Variants in AMMECR1L observed in about 807,000 individuals in gnomAD.
AMMECR1L encodes the protein AMMECR1-like protein.
In AMMECR1L, 4 loss-of-function variants were observed where a neutral mutation model predicts 36.8. That is an observed-to-expected ratio of 0.11 (90% CI 0.05 to 0.25). The LOEUF (loss-of-function observed/expected upper bound fraction) is 0.25. Ranked by LOEUF, AMMECR1L falls within the 10% of genes least tolerant of loss-of-function variation. AMMECR1L has a pLI of 1.00. For missense variants in AMMECR1L, 232 were observed against 392.1 expected, an observed-to-expected ratio of 0.59 and a Z score of 3.45; for synonymous variants, 147 against 148.0, an observed-to-expected ratio of 0.99 and a Z score of 0.05.
At chr2:127,867,878 A>G (rs1690766359) in intron 6 of AMMECR1L, among the ~76,000 whole-genome samples, 1 of 152,122 alleles carries the variant, frequency 6.6e-6, no homozygotes, top group Non-Finnish European at 1.5e-5. Flanking sequence ...ATTCTTGCAC[A>G]TTCTTTTTTT....
At chr2:127,870,979 A>G (rs370763660) in intron 4 of AMMECR1L, 51 bp from the exon 5 acceptor site, 286 of 1,396,034 alleles carry the variant, frequency 2.0e-4, no homozygotes, top group Non-Finnish European at 2.6e-4. Flanking sequence ...TCAGGAGCCA[A>G]TATCAGGTGC....
Position 127,864,982 on chromosome 2 carries a change from T to C in AMMECR1L, c.*112A>G. 1 of 730,824 alleles carries C rather than the reference T, an allele frequency of 1.4e-6. No individual in the cohort carries two copies. Among genetic ancestry groups the C allele is most frequent in the South Asian group, 1.9e-5 (1 of 51,494 alleles). 45.3% of individuals were successfully genotyped at this position (730,824 alleles called of 1,614,324 possible). A position where few individuals can be genotyped will look rare whatever the true frequency, so the allele number is the denominator to read the frequency against. ...GACTTGGCAACGGAAGCTAGCATCA[T>C]AAAATGGTGCAGTAATAGAAGTAAC... is the stretch of plus-strand genomic sequence containing the variant. On this transcript the variant is annotated 3_prime_UTR_variant, in exon 8 of 8. Coordinates refer to ENST00000272647, the MANE Select transcript of AMMECR1L (RefSeq NM_001199140.2).
Position 127,865,021 on chromosome 2 carries a change from G to T in AMMECR1L, c.*73C>A. The T allele has an allele frequency of 1.0e-6, 1 of 985,544 alleles. No individual in the cohort carries two copies. The highest frequency in any genetic ancestry group is 1.6e-6 in the Non-Finnish European group (1 of 634,724). 61.0% of individuals were successfully genotyped at this position (985,544 alleles called of 1,614,324 possible). A position where few individuals can be genotyped will look rare whatever the true frequency, so the allele number is the denominator to read the frequency against. On this transcript the variant is annotated 3_prime_UTR_variant, in exon 8 of 8. Transcript: ENST00000272647. The surrounding 1 kb of genome is among the most constrained non-coding windows in gnomAD (Gnocchi z 5.4). The stretch of plus-strand genomic sequence containing the variant: ...AATAGAAGTAACTGGACCAGGAAGA[G>T]GAGGCATCTGCTCCAATGATGTCAT...
rs1026012749 is a variant in AMMECR1L at position 127,863,799 on chromosome 2, C to T, written c.*1295G>A. On this transcript the variant is annotated 3_prime_UTR_variant, in exon 8 of 8. Coordinates refer to ENST00000272647, the MANE Select transcript of AMMECR1L (RefSeq NM_001199140.2). ...TCCCCTAGTTCTATGAACTTTGCCA[C>T]CAAATGAGTGAAGAATAGGCAAGGA... 2.6e-5 allele frequency: 4 copies of T among 152,508 alleles called. No homozygotes were observed. The highest frequency in any genetic ancestry group is 5.9e-5 in the Non-Finnish European group (4 of 68,028). The allele number at this position is 152,508 out of a possible 1,614,324, so 9.4% of individuals were successfully genotyped here.
At position 127,874,593 on chromosome 2, in the gene AMMECR1L, C is replaced by T. The variant is rs1358414187; in HGVS notation, c.-38-321G>A. Among the ~76,000 whole-genome samples the T allele has an allele frequency of 6.6e-6, 1 of 152,200 alleles. No homozygotes were observed. On this transcript the variant is annotated intron_variant, in intron 2 of 7. Coordinates refer to ENST00000272647, the MANE Select transcript of AMMECR1L (RefSeq NM_001199140.2). The surrounding 1 kb of genome is among the most constrained non-coding windows in gnomAD (Gnocchi z 5.2). ...CTGGCTGAGGACATTTCCAGACTGC[C>T]TGGAGGGCTGCGCACGACCTGTCAG...
rs1435651410 is a variant in AMMECR1L at position 127,871,661 on chromosome 2, C to T, written c.408-302G>A. On this transcript the variant is annotated intron_variant, in intron 3 of 7. Coordinates refer to ENST00000272647, the MANE Select transcript of AMMECR1L (RefSeq NM_001199140.2). The surrounding 1 kb of genome is among the most constrained non-coding windows in gnomAD (Gnocchi z 4.3). ...TACTTTCCTCTTTCTCTGCCCAAGACTCAACTTTTCCTTCGAATTCTCCAG... is the reference window on the plus strand; with the variant it reads ...TACTTTCCTCTTTCTCTGCCCAAGATTCAACTTTTCCTTCGAATTCTCCAG... 6.6e-6 allele frequency among the ~76,000 whole-genome samples: 1 copy of T among 152,180 alleles called. No individual in the cohort carries two copies. The highest frequency in any genetic ancestry group is 1.5e-5 in the Non-Finnish European group (1 of 68,050).
chr2:127,865,263 C>T lies in AMMECR1L; in HGVS notation c.822-58G>A. On this transcript the variant is annotated intron_variant, in intron 7 of 7. Transcript: ENST00000272647. The surrounding 1 kb of genome is among the most constrained non-coding windows in gnomAD (Gnocchi z 5.4). ...CCCCAAACGCTTCATTTTGTAAAGTCACTCAGCAGAGAAAAACCAAAAGCT... is the reference window on the plus strand; with the variant it reads ...CCCCAAACGCTTCATTTTGTAAAGTTACTCAGCAGAGAAAAACCAAAAGCT... 7.9e-7 allele frequency: 1 copy of T among 1,262,350 alleles called. No homozygotes were observed. Among genetic ancestry groups the T allele is most frequent in the South Asian group, 1.4e-5 (1 of 70,250 alleles). 78.2% of individuals were successfully genotyped at this position (1,262,350 alleles called of 1,614,324 possible).
At position 127,863,986 on chromosome 2, in the gene AMMECR1L, T is replaced by C. The variant is rs1402012445; in HGVS notation, c.*1108A>G. The C allele has an allele frequency of 6.6e-6, 1 of 152,378 alleles. No homozygotes were observed. Among genetic ancestry groups the C allele is most frequent in the Non-Finnish European group, 1.5e-5 (1 of 68,048 alleles). 9.4% of individuals were successfully genotyped at this position (152,378 alleles called of 1,614,324 possible). On this transcript the variant is annotated 3_prime_UTR_variant, in exon 8 of 8. Coordinates refer to ENST00000272647, the MANE Select transcript of AMMECR1L (RefSeq NM_001199140.2). The stretch of plus-strand genomic sequence containing the variant: ...ATGTCAGGCAAGATAAAGGTCCACC[T>C]TGTGTAATTACACAACTGTTTCCTA...
intron 2 of AMMECR1L, among the ~76,000 whole-genome samples, chr2:127,876,047 G>T (rs529519148): frequency 1.3e-5 from 2 of 150,164 alleles, no homozygotes; most frequent in South Asian, 4.2e-4. Flanking sequence ...TCCGCTCCCC[G>T]CCCCGCCCCC....
intron 3 of AMMECR1L, among the ~76,000 whole-genome samples, chr2:127,872,752 A>C (rs72965751): frequency 1.2e-3 from 182 of 152,234 alleles, no homozygotes; most frequent in African/African-American, 4.0e-3. Flanking sequence ...AACCTTCCCT[A>C]AACACCCACA....
intron 2 of AMMECR1L, among the ~76,000 whole-genome samples, chr2:127,877,366 C>T: frequency 6.7e-6 from 1 of 149,398 alleles, no homozygotes; most frequent in African/African-American, 2.5e-5. Flanking sequence ...GACAAAGTCT[C>T]ACTCTGTCAC....
At chr2:127,880,769 A>G (rs1573563677) in intron 2 of AMMECR1L, among the ~76,000 whole-genome samples, 1 of 121,546 alleles carries the variant, frequency 8.2e-6, no homozygotes, top group East Asian at 2.1e-4. Flanking sequence ...CCCTACATAC[A>G]GTATACACAC....
chr2:127,878,023 C>T (rs1175776710), intron 2 of AMMECR1L, among the ~76,000 whole-genome samples: 4 of 152,104 alleles, frequency 2.6e-5, no homozygotes, highest in Non-Finnish European at 5.9e-5. Context: ...TGTACCACTG[C>T]ACTCCAGCCT....
rs180869476 is a variant in AMMECR1L at position 127,869,066 on chromosome 2, C to T, written c.724+388G>A. 5.8e-4 allele frequency among the ~76,000 whole-genome samples: 89 copies of T among 152,140 alleles called. No individual in the cohort carries two copies. The highest frequency in any genetic ancestry group is 2.1e-3 in the African/African-American group (86 of 41,512). On this transcript the variant is annotated intron_variant, in intron 6 of 7. Transcript: ENST00000272647. The surrounding 1 kb of genome is among the most constrained non-coding windows in gnomAD (Gnocchi z 4.7). ...AAAACAGTAGGGACTATGTTTACAC[C>T]CTTTGCCATGTATAATATTGTTTAA...
chr2:127,871,031 G>A lies in AMMECR1L; in HGVS notation c.519-103C>T. ...TTATGAATCTTGAGCTATGCAGAGA[G>A]TATCTATTGTTCATCAACACTAACA... On this transcript the variant is annotated intron_variant, in intron 4 of 7. Transcript: ENST00000272647. The surrounding 1 kb of genome is among the most constrained non-coding windows in gnomAD (Gnocchi z 4.3). 1.0e-6 allele frequency: 1 copy of A among 973,228 alleles called. No homozygotes were observed. The highest frequency in any genetic ancestry group is 1.7e-5 in the South Asian group (1 of 60,604). 60.3% of individuals were successfully genotyped at this position (973,228 alleles called of 1,614,324 possible).
In AMMECR1L at chr2:127,871,068, ACT is replaced by A; in HGVS notation, c.519-142_519-141del. The stretch of plus-strand genomic sequence containing the variant: ...CATCAACACTAACATGTTAAAAACA[ACT>A]CGATGCTATTAACTGTCTGTACTTG... On this transcript the variant is annotated intron_variant, in intron 4 of 7. Coordinates refer to ENST00000272647, the MANE Select transcript of AMMECR1L (RefSeq NM_001199140.2). This position sits in a 1 kb window ranked among gnomAD's most constrained non-coding sequence, Gnocchi z 4.3. The A allele has an allele frequency of 2.2e-6, 2 of 900,376 alleles. No individual in the cohort carries two copies. The highest frequency in any genetic ancestry group is 3.4e-6 in the Non-Finnish European group (2 of 594,314). 55.8% of individuals were successfully genotyped at this position (900,376 alleles called of 1,614,324 possible).
chr2:127,885,660 C>G (rs1691744915), intron 1 of AMMECR1L, 150 bp downstream of exon 1: 1 of 984,444 alleles, frequency 1.0e-6, no homozygotes, highest in Non-Finnish European at 1.2e-6. Context: ...CCCCGCTGCC[C>G]CCGGACCCTC....
intron 2 of AMMECR1L, among the ~76,000 whole-genome samples, chr2:127,882,594 T>C (rs779145751): frequency 6.6e-6 from 1 of 152,194 alleles, no homozygotes; most frequent in Non-Finnish European, 1.5e-5. Flanking sequence ...ACCTATACAA[T>C]TGTTCCTTTT....
chr2:127,884,721 C>G (rs1214789961), intron 1 of AMMECR1L: 1 of 152,322 alleles, frequency 6.6e-6, no homozygotes, highest in Non-Finnish European at 1.5e-5. Flanking sequence ...AAAGACAGAA[C>G]TGAAGAATTA....
Sources: allele counts gnomAD v4.1 joint callset (sites outside exome capture counted in the v4.1 genomes callset), GRCh38; gene constraint gnomAD v4.1.1; non-coding constraint Gnocchi (gnomAD v3.1); transcripts MANE v1.5; gene names NCBI Gene and HGNC (gene_info 2026-07-23, HGNC 2026-07-21).